The following LARGE1 variants were observed in gnomAD, a reference collection of about 807,000 sequenced individuals.
The protein encoded by LARGE1 is xylosyl- and glucuronyltransferase LARGE1.
LARGE1 carries 43 observed loss-of-function variants against 87.6 expected under a neutral mutation model. That is an observed-to-expected ratio of 0.49 (90% CI 0.38 to 0.63). The LOEUF is 0.63. Ranked by LOEUF, LARGE1 falls within the 30% of genes least tolerant of loss-of-function variation. The pLI is 0.00. For synonymous variants in LARGE1, 434 were observed against 394.6 expected (o/e 1.10, Z -1.18); for missense variants, 802 against 1,000.2 (o/e 0.80, Z 2.67).
chr22:33,828,158 T>C (rs990615348), intron 1 of LARGE1, among the ~76,000 whole-genome samples: 12 of 152,090 alleles, frequency 7.9e-5, no homozygotes, highest in African/African-American at 2.4e-4. Context: ...CTGAAGATGC[T>C]AAGTTTAAAG....
chr22:33,448,696 C>T (rs2147891834), intron 6 of LARGE1, among the ~76,000 whole-genome samples: 1 of 152,318 alleles, frequency 6.6e-6, no homozygotes, highest in South Asian at 2.1e-4. Flanking sequence ...AATCCATTCT[C>T]TCCCTTAAGC....
Position 33,423,906 on chromosome 22 carries a change from C to T in LARGE1, c.892+8255G>A, listed in dbSNP as rs2066783281. 2.0e-5 allele frequency among the ~76,000 whole-genome samples: 3 copies of T among 151,960 alleles called. 1 individual carries two copies. The South Asian group carries it at 6.2e-4, about 32-fold the overall frequency. ...TCCAAAGAAGATAAAACTCACTAGA[C>T]CAATATAAAATCTGTACTTTAGACT... On this transcript the variant is annotated intron_variant, in intron 7 of 14. Transcript: ENST00000397394.
intron 6 of LARGE1, among the ~76,000 whole-genome samples, chr22:33,521,627 TAC>T (rs1157151888): frequency 6.6e-6 from 1 of 152,180 alleles, no homozygotes; most frequent in Non-Finnish European, 1.5e-5. Context: ...TGGGAGGAGC[TAC>T]ACAGTCTTGG....
chr22:33,592,983 G>A (rs1192508961), intron 5 of LARGE1, among the ~76,000 whole-genome samples: 3 of 152,076 alleles, frequency 2.0e-5, no homozygotes, highest in African/African-American at 7.2e-5. Context: ...GGGACTAGAG[G>A]TGCCCACCAC....
intron 2 of LARGE1, among the ~76,000 whole-genome samples, chr22:33,680,836 T>G (rs1279222942): frequency 6.6e-6 from 1 of 151,998 alleles, no homozygotes; most frequent in Non-Finnish European, 1.5e-5. Flanking sequence ...AAAGATTATG[T>G]TGTGGGAAAT....
upstream of LARGE1, among the ~76,000 whole-genome samples, chr22:33,922,091 G>C (rs2065963024): frequency 2.0e-5 from 3 of 152,118 alleles, no homozygotes; most frequent in South Asian, 6.2e-4. Flanking sequence ...AGCCGGGCGG[G>C]CCGCCGGGTC....
chr22:33,363,845 T>C (rs2064476350), intron 9 of LARGE1, among the ~76,000 whole-genome samples: 1 of 149,416 alleles, frequency 6.7e-6, no homozygotes, highest in African/African-American at 2.5e-5. Flanking sequence ...GGCTACTAAG[T>C]GATTCACAGG....
chr22:33,458,478 C>G (rs1338825582), intron 6 of LARGE1, among the ~76,000 whole-genome samples: 1 of 151,674 alleles, frequency 6.6e-6, no homozygotes, highest in Non-Finnish European at 1.5e-5. Flanking sequence ...GTTGCTCAGG[C>G]TGGAGTGCAA....
At chr22:33,735,988 G>A (rs2083641776) in intron 2 of LARGE1, among the ~76,000 whole-genome samples, 1 of 152,144 alleles carries the variant, frequency 6.6e-6, no homozygotes, top group South Asian at 2.1e-4. Flanking sequence ...TGTAATAGCT[G>A]AATAACATTC....
intron 6 of LARGE1, among the ~76,000 whole-genome samples, chr22:33,535,123 C>G (rs923073606): frequency 3.3e-5 from 5 of 152,230 alleles, no homozygotes; most frequent in Non-Finnish European, 7.3e-5. Context: ...GCTGAGGGGC[C>G]TCCCCCGTCA....
At chr22:33,713,311 G>A (rs1018149395) in intron 2 of LARGE1, among the ~76,000 whole-genome samples, 2 of 152,070 alleles carry the variant, frequency 1.3e-5, no homozygotes, top group Admixed American at 6.6e-5. Flanking sequence ...AAATGAGAGG[G>A]CTGTTTCCAC....
intron 1 of LARGE1, among the ~76,000 whole-genome samples, chr22:33,911,770 C>T (rs952076868): frequency 2.6e-5 from 4 of 152,188 alleles, no homozygotes; most frequent in Non-Finnish European, 5.9e-5. Context: ...TTTACAAAGC[C>T]ATCAATGTTT....
chr22:33,461,297 G>GACAA (rs1266930640), intron 6 of LARGE1, among the ~76,000 whole-genome samples: 12 of 152,040 alleles, frequency 7.9e-5, no homozygotes, highest in African/African-American at 2.9e-4. Context: ...CTAAAAAACA[G>GACAA]ACAAACAAAC....
the LARGE1 span, among the ~76,000 whole-genome samples, chr22:33,080,906 C>A: frequency 6.6e-6 from 1 of 152,086 alleles, no homozygotes; most frequent in African/African-American, 2.4e-5. Flanking sequence ...CAAAAGTCAT[C>A]CATCCATCCA....
intron 2 of LARGE1, among the ~76,000 whole-genome samples, chr22:33,669,217 C>T (rs2081343778): frequency 6.6e-6 from 1 of 152,198 alleles, no homozygotes; most frequent in Non-Finnish European, 1.5e-5. Context: ...ATCTATCTTT[C>T]AGGGCTGTTT....
chr22:33,161,865 G>C (rs1922038015), downstream of LARGE1, among the ~76,000 whole-genome samples: 1 of 152,166 alleles, frequency 6.6e-6, no homozygotes, highest in Non-Finnish European at 1.5e-5. Flanking sequence ...CTAGGGGAGG[G>C]ACAAAATGCT....
At chr22:33,103,026 C>G in the LARGE1 span, among the ~76,000 whole-genome samples, 4 of 152,218 alleles carry the variant, frequency 2.6e-5, no homozygotes, top group African/African-American at 9.6e-5. Flanking sequence ...TCTCCCGCGG[C>G]CCCTGCCCCC....
intron 12 of LARGE1, among the ~76,000 whole-genome samples, chr22:33,296,374 T>A (rs1933256053): frequency 1.3e-5 from 2 of 152,170 alleles, no homozygotes; most frequent in Admixed American, 1.3e-4. Flanking sequence ...CTACATGGAT[T>A]ATCTGGTGCA....
rs183218187 is a variant in LARGE1 at position 33,381,402 on chromosome 22, T to C, written c.1131+517A>G. ...TGGTGATGAAAGCTTTTTCTGTCAT[T>C]GTCCGCCCTCTGTGAGGAAGAATGA... is the stretch of plus-strand genomic sequence containing the variant. On this transcript the variant is annotated intron_variant, in intron 9 of 14. Transcript: ENST00000397394. Among the ~76,000 whole-genome samples the C allele has an allele frequency of 1.1e-3, 166 of 152,322 alleles. 5 individuals are homozygous for C. In the East Asian group the frequency reaches 0.027, roughly 25 times the overall value.
Sources: gnomAD v4.1 joint callset for allele counts (sites outside exome capture counted in the v4.1 genomes callset) on GRCh38, gnomAD v4.1.1 for gene constraint, MANE v1.5 for transcripts, NCBI Gene and HGNC (gene_info 2026-07-23, HGNC 2026-07-21) for gene names.